The following ZFPM1 variants were observed in gnomAD, a reference collection of about 807,000 sequenced individuals.
ZFPM1 encodes zinc finger protein, FOG family member 1, also known as zinc finger protein ZFPM1.
ZFPM1 carries 28 observed loss-of-function variants against 46.3 expected under a neutral mutation model. The ratio of observed to expected loss-of-function variants is 0.60; its 90% confidence interval spans 0.45 to 0.83. ZFPM1 has a LOEUF of 0.83. Ranked by LOEUF, ZFPM1 falls within the 40% of genes least tolerant of loss-of-function variation. The pLI is 0.00. For synonymous variants in ZFPM1, 957 were observed against 675.9 expected (o/e 1.42, Z -6.45); for missense variants, 1,878 against 1,432.4 (o/e 1.31, Z -5.02).
intron 4 of ZFPM1, among the ~76,000 whole-genome samples, chr16:88,518,309 A>G (rs952008011): frequency 6.6e-6 from 1 of 151,032 alleles, no homozygotes; most frequent in African/African-American, 2.4e-5. Context: ...AGGTGGATGG[A>G]TGGATAGATG....
intron 5 of ZFPM1, 89 bp downstream of exon 5, chr16:88,527,005 A>G (rs1054208122): frequency 1.4e-6 from 2 of 1,478,954 alleles, no homozygotes; most frequent in African/African-American, 1.4e-5. Flanking sequence ...AAGGGAAACC[A>G]GCCTGCTAGG....
chr16:88,524,358 C>T (rs1393771890), intron 4 of ZFPM1, among the ~76,000 whole-genome samples: 1 of 152,192 alleles, frequency 6.6e-6, no homozygotes, highest in Non-Finnish European at 1.5e-5. Context: ...CCCCAGCCTG[C>T]CCCAGCAGAA....
chr16:88,502,333 C>T (rs1329203584), intron 3 of ZFPM1, among the ~76,000 whole-genome samples: 4 of 152,016 alleles, frequency 2.6e-5, no homozygotes, highest in Non-Finnish European at 2.9e-5. Flanking sequence ...CCTCCCACCC[C>T]GGCCCCCCGC....
chr16:88,452,584 C>G (rs964719847), upstream of ZFPM1, among the ~76,000 whole-genome samples: 2 of 152,280 alleles, frequency 1.3e-5, no homozygotes, highest in Non-Finnish European at 2.9e-5. Flanking sequence ...AGCCCCCTCC[C>G]TGGCCCGAAT....
At position 88,507,879 on chromosome 16, in the gene ZFPM1, C is replaced by T. The variant is rs150756751; in HGVS notation, c.269-6508C>T. ...GGAGGATACCCTTCCCCAGGCCATCCTGGGCTCCACTCGGGGGCCTCCAGC... is the reference window on the plus strand; with the variant it reads ...GGAGGATACCCTTCCCCAGGCCATCTTGGGCTCCACTCGGGGGCCTCCAGC... On this transcript the variant is annotated intron_variant, in intron 3 of 9. Coordinates refer to ENST00000319555, the MANE Select transcript of ZFPM1 (RefSeq NM_153813.3). Among the ~76,000 whole-genome samples the T allele has an allele frequency of 7.7e-3, 1,166 of 152,330 alleles. 12 individuals carry two copies. The highest frequency in any genetic ancestry group is 0.026 in the African/African-American group (1,101 of 41,572).
At chr16:88,499,162 C>T (rs1910109089) in intron 3 of ZFPM1, among the ~76,000 whole-genome samples, 1 of 152,180 alleles carries the variant, frequency 6.6e-6, no homozygotes, top group East Asian at 1.9e-4. Flanking sequence ...CTCCCGCACC[C>T]ACCCCAGCCC....
intron 1 of ZFPM1, among the ~76,000 whole-genome samples, chr16:88,467,407 A>C (rs1233479637): frequency 2.0e-5 from 3 of 150,834 alleles, no homozygotes; most frequent in African/African-American, 7.3e-5. Context: ...AGGTCTCCCC[A>C]CCCCTCCCAG....
chr16:88,457,849 C>G (rs2142335676), intron 1 of ZFPM1, among the ~76,000 whole-genome samples: 1 of 152,202 alleles, frequency 6.6e-6, no homozygotes, highest in African/African-American at 2.4e-5. Flanking sequence ...GGCCCCCCAC[C>G]CCTAAACCTG....
intron 4 of ZFPM1, among the ~76,000 whole-genome samples, chr16:88,521,278 G>C (rs1022620399): frequency 6.7e-6 from 1 of 149,908 alleles, no homozygotes; most frequent in Admixed American, 6.6e-5. Flanking sequence ...ACTAAAGGGA[G>C]AGTGGCCTGA....
chr16:88,498,259 G>A (rs181552720), intron 3 of ZFPM1, among the ~76,000 whole-genome samples: 21 of 152,266 alleles, frequency 1.4e-4, no homozygotes, highest in Admixed American at 8.5e-4. Context: ...TGGGGAGCCC[G>A]AGACAGAACC....
chr16:88,459,473 A>G (rs1379824447), intron 1 of ZFPM1, among the ~76,000 whole-genome samples: 1 of 152,096 alleles, frequency 6.6e-6, no homozygotes, highest in Non-Finnish European at 1.5e-5. Context: ...TAAGAATGGA[A>G]GGAAAATACC....
chr16:88,454,246 G>T (rs1257603871), intron 1 of ZFPM1, among the ~76,000 whole-genome samples: 1 of 152,150 alleles, frequency 6.6e-6, no homozygotes, highest in Non-Finnish European at 1.5e-5. Context: ...CGGTGCCGTC[G>T]CAGAGCCGCA....
chr16:88,499,793 C>T (rs1326514126), intron 3 of ZFPM1, among the ~76,000 whole-genome samples: 1 of 152,200 alleles, frequency 6.6e-6, no homozygotes, highest in Non-Finnish European at 1.5e-5. Flanking sequence ...ACAGAGCCCA[C>T]AGGCCTGCCT....
At chr16:88,468,224 C>T (rs1005345784) in intron 1 of ZFPM1, among the ~76,000 whole-genome samples, 3 of 148,892 alleles carry the variant, frequency 2.0e-5, no homozygotes, top group Non-Finnish European at 4.5e-5. Context: ...GCCCACCGCC[C>T]CTCAAGCACC....
intron 1 of ZFPM1, 25 bp downstream of exon 1, chr16:88,453,703 C>A: frequency 8.4e-7 from 1 of 1,186,684 alleles, no homozygotes; most frequent in Non-Finnish European, 1.1e-6. Context: ...GCCCGCGGTC[C>A]CCTCCGCGCG....
intron 1 of ZFPM1, among the ~76,000 whole-genome samples, chr16:88,454,059 C>G (rs118181214): frequency 6.6e-6 from 1 of 152,246 alleles, no homozygotes. Context: ...CTGCAAGTCC[C>G]GTCCTGATAA....
chr16:88,504,788 T>C (rs56784201), intron 3 of ZFPM1, among the ~76,000 whole-genome samples: 13,216 of 152,160 alleles, frequency 0.087, 836 homozygotes, highest in African/African-American at 0.17. Flanking sequence ...CTCCGAGCTG[T>C]CCTCAAGGCC....
intron 1 of ZFPM1, among the ~76,000 whole-genome samples, chr16:88,455,580 G>C (rs1203803568): frequency 7.6e-6 from 1 of 131,196 alleles, no homozygotes; most frequent in African/African-American, 2.8e-5. Context: ...ACCTGCGGCC[G>C]GGCCGCGAGT....
chr16:88,517,985 C>T (rs988494676), intron 4 of ZFPM1, among the ~76,000 whole-genome samples: 7 of 151,680 alleles, frequency 4.6e-5, no homozygotes, highest in African/African-American at 1.2e-4. Context: ...CCGAGGTGGG[C>T]GGATCATGAA....
Sources: allele counts gnomAD v4.1 joint callset (sites outside exome capture counted in the v4.1 genomes callset), GRCh38; gene constraint gnomAD v4.1.1; transcripts MANE v1.5; gene names NCBI Gene and HGNC (gene_info 2026-07-23, HGNC 2026-07-21).